Variants in ARHGEF17 observed in about 807,000 individuals in gnomAD.
The protein encoded by ARHGEF17 is 164 kDa Rho-specific guanine-nucleotide exchange factor.
A neutral mutation model predicts 174.0 loss-of-function variants in ARHGEF17; 80 were observed. That is an observed-to-expected ratio of 0.46 (90% CI 0.38 to 0.55). The LOEUF (loss-of-function observed/expected upper bound fraction) is 0.55, where lower values mean the gene tolerates loss of function less well. ARHGEF17 is among the 20% of genes least tolerant of loss of function. The pLI is 0.00. For synonymous variants in ARHGEF17, 1,311 were observed against 1,189.1 expected, an observed-to-expected ratio of 1.10 and a Z score of -2.11; for missense variants, 2,886 against 2,839.7, an observed-to-expected ratio of 1.02 and a Z score of -0.37.
rs765152390 is a variant in ARHGEF17, at chr11:73,308,613, G to A, written c.-26G>A. On this transcript the variant is annotated 5_prime_UTR_variant, in exon 1 of 21. Coordinates refer to ENST00000263674, the MANE Select transcript of ARHGEF17 (RefSeq NM_014786.4). ...GGTTGGCCGCGGCTGCCCGAGGCCAGCCCCCCCGGAGTGAGTTACGCCACT... is the reference window on the plus strand; with the variant it reads ...GGTTGGCCGCGGCTGCCCGAGGCCAACCCCCCCGGAGTGAGTTACGCCACT... 67 of 1,425,024 alleles carry A rather than the reference G, an allele frequency of 4.7e-5. No individual in the cohort carries two copies. The highest frequency in any genetic ancestry group is 6.0e-5 in the Non-Finnish European group (66 of 1,093,620). The allele number at this position is 1,425,024 out of a possible 1,614,324, so 88.3% of individuals were successfully genotyped here. A position where few individuals can be genotyped will look rare whatever the true frequency, so the allele number is the denominator to read the frequency against.
chr11:73,363,666 T>C, intron 15 of ARHGEF17, 81 bp from the exon 16 acceptor site: 1 of 1,567,646 alleles, frequency 6.4e-7, no homozygotes, highest in East Asian at 2.3e-5. Context: ...GACGTGGTGC[T>C]AGGGGCAAAG....
chr11:73,364,026 C>T, intron 16 of ARHGEF17, 146 bp from the exon 17 acceptor site: 2 of 1,070,644 alleles, frequency 1.9e-6, no homozygotes, highest in East Asian at 2.4e-5. Context: ...TTTTCTTAGC[C>T]TCAGGCAACC....
intron 1 of ARHGEF17, among the ~76,000 whole-genome samples, chr11:73,318,213 C>T (rs1864958744): frequency 6.6e-6 from 1 of 152,068 alleles, no homozygotes; most frequent in Admixed American, 6.5e-5. Flanking sequence ...TACGTGCTTT[C>T]CCCACCATCG....
chr11:73,318,760 T>C (rs1864968552), intron 1 of ARHGEF17, among the ~76,000 whole-genome samples: 1 of 152,234 alleles, frequency 6.6e-6, no homozygotes, highest in South Asian at 2.1e-4. Flanking sequence ...AGACCTGTGC[T>C]GATTGCAGAG....
rs1256829425 is a variant in ARHGEF17 at position 73,309,176 on chromosome 11, G to A, written c.538G>A (p.Ala180Thr). 6.3e-7 allele frequency: 1 copy of A among 1,590,450 alleles called. No individual in the cohort carries two copies. Among genetic ancestry groups the A allele is most frequent in the Non-Finnish European group, 8.6e-7 (1 of 1,168,632 alleles). Residue 180 changes from alanine to threonine, a missense_variant, in exon 1 of 21, where the codon GCG (alanine) becomes ACG (threonine). Physicochemically the swap from Ala to Thr is moderately conservative, Grantham distance 58. This residue lies in a region of ARHGEF17 where 1,728 missense variants were observed against 1,461.2 expected (regional missense o/e 1.18). Transcript: ENST00000263674. ...ACCCCCTCGGACATGCTTCCCCCTG[G>A]CGGGTCTGCGTTCGGCGCGGCCCCT... Reference protein sequence around the residue: ...TPPPRTCFPLAGLRSARPLTG... With the variant: ...TPPPRTCFPLTGLRSARPLTG...
In ARHGEF17 at chr11:73,364,247, T is replaced by A. The variant is rs1326154893; in HGVS notation, c.5401+8T>A. ...TCTACCAAAGGGAAGCAGGTGAGTA[T>A]CTGCCCTCCCCCACACCCTGCCCCT... On this transcript the variant is annotated splice_region_variant and intron_variant, in intron 17 of 20. Transcript: ENST00000263674. 6.2e-7 allele frequency: 1 copy of A among 1,613,856 alleles called. No homozygotes were observed. Among genetic ancestry groups the A allele is most frequent in the African/African-American group, 1.3e-5 (1 of 74,906 alleles).
chr11:73,330,001 T>C (rs1865180111), intron 1 of ARHGEF17, among the ~76,000 whole-genome samples: 1 of 152,226 alleles, frequency 6.6e-6, no homozygotes, highest in African/African-American at 2.4e-5. Context: ...TATTTTAATT[T>C]GTATTTATCT....
At chr11:73,349,082 A>T (rs779995867) in intron 2 of ARHGEF17, among the ~76,000 whole-genome samples, 3 of 152,206 alleles carry the variant, frequency 2.0e-5, no homozygotes, top group Non-Finnish European at 4.4e-5. Flanking sequence ...TTTCCTGTGC[A>T]CGCAAGGAAG....
intron 1 of ARHGEF17, among the ~76,000 whole-genome samples, chr11:73,334,896 C>A (rs976934135): frequency 2.0e-5 from 3 of 152,246 alleles, no homozygotes; most frequent in African/African-American, 7.2e-5. Context: ...TCCCTGCTTT[C>A]CAGTGCTCTG....
rs1307815391 is a variant in ARHGEF17, at chr11:73,309,811, C to T, written c.1173C>T (p.Ser391=). 2.5e-6 allele frequency: 4 copies of T among 1,613,126 alleles called. No homozygotes were observed. In the South Asian group the frequency reaches 4.4e-5, roughly 18 times the overall value. ...GCCCCGCAGGCTCCCGCGGTAGCAG[C>T]CGTTATTCCAGCACGGAGACCCTCA... ...LASPAGSRGS[S]RYSSTETLKD... Residue 391 remains serine, a synonymous_variant, in exon 1 of 21, where the codon AGC becomes AGT. Coordinates refer to ENST00000263674, the MANE Select transcript of ARHGEF17 (RefSeq NM_014786.4).
Position 73,309,034 on chromosome 11 carries a change from C to T in ARHGEF17, c.396C>T (p.Leu132=), listed in dbSNP as rs1864749496. The T allele has an allele frequency of 1.4e-6, 2 of 1,442,386 alleles. No individual in the cohort carries two copies. The highest frequency in any genetic ancestry group is 9.1e-7 in the Non-Finnish European group (1 of 1,103,384). The allele number at this position is 1,442,386 out of a possible 1,614,324, so 89.3% of individuals were successfully genotyped here. Residue 132 remains leucine (L), a synonymous_variant, in exon 1 of 21, where the codon CTC becomes CTT. Transcript: ENST00000263674. ...CCAGCGTCACCGAGATGCGCAAGCT[C>T]TTCGGCGGTCCTGGCTCCAGGAGGC... ...AWPSVTEMRK[L]FGGPGSRRPS...
intron 2 of ARHGEF17, among the ~76,000 whole-genome samples, chr11:73,351,520 A>G (rs989055660): frequency 3.3e-5 from 5 of 152,304 alleles, no homozygotes; most frequent in African/African-American, 1.2e-4. Context: ...GAAAGTGTCA[A>G]TAAGAGTCTC....
At chr11:73,359,243 C>T (rs968963856) in intron 9 of ARHGEF17, among the ~76,000 whole-genome samples, 3 of 152,258 alleles carry the variant, frequency 2.0e-5, no homozygotes, top group African/African-American at 7.2e-5. Context: ...GATTTCAAGA[C>T]ACATGTGTCC....
chr11:73,331,711 C>T (rs1865206629), intron 1 of ARHGEF17, among the ~76,000 whole-genome samples: 1 of 152,146 alleles, frequency 6.6e-6, no homozygotes, highest in African/African-American at 2.4e-5. Context: ...GTGCTGCCAA[C>T]AAATGCTACT....
In ARHGEF17 at chr11:73,360,392, T is replaced by C. The variant is rs375188300; in HGVS notation, c.4279T>C (p.Tyr1427His). The C allele has an allele frequency of 5.0e-5, 80 of 1,613,942 alleles. 1 individual carries two copies. The highest frequency in any genetic ancestry group is 3.3e-4 in the Middle Eastern group (2 of 6,062). The change falls in exon 11 of 21, where the codon TAC becomes CAC. Residue 1427 changes from tyrosine (Y) to histidine (H), a missense_variant. Tyr to His is a moderately conservative substitution (Grantham distance 83). Coordinates refer to ENST00000263674, the MANE Select transcript of ARHGEF17 (RefSeq NM_014786.4). ...RDLSEKQALC[Y>H]ALSFPPTKLE... ...CCTGTCGGAGAAGCAGGCGCTGTGC[T>C]ACGCGCTTTCCTTCCCGCCAACCAA...
chr11:73,311,265 C>T lies in ARHGEF17; in HGVS notation c.2627C>T (p.Pro876Leu). 6.2e-7 allele frequency: 1 copy of T among 1,612,826 alleles called. No homozygotes were observed. The highest frequency in any genetic ancestry group is 1.7e-5 in the Admixed American group (1 of 59,970). ...GAGCAGCGGGCAGAGCCAGAAGAAC[C>T]TGGTGCCACCAGGAGCCGGGCACAG... The part of the protein sequence containing the change: ...LVEQRAEPEE[P>L]GATRSRAQSE... Residue 876 changes from proline to leucine, a missense_variant, in exon 1 of 21, where the codon CCT becomes CTT. By Grantham distance (98) the Pro-to-Leu change is moderately conservative. Coordinates refer to ENST00000263674, the MANE Select transcript of ARHGEF17 (RefSeq NM_014786.4).
At chr11:73,325,268 G>A (rs1259153816) in intron 1 of ARHGEF17, among the ~76,000 whole-genome samples, 2 of 152,246 alleles carry the variant, frequency 1.3e-5, no homozygotes, top group East Asian at 3.9e-4. Flanking sequence ...CCCTAGCCCT[G>A]AGTCCTGTCC....
chr11:73,310,904 G>A lies in ARHGEF17; in HGVS notation c.2266G>A (p.Asp756Asn), dbSNP rs1293945100. ...TSEEPTGFSV[D>N]SNLLGSLSPK... Reference sequence around the variant, plus strand: ...TGAAGAGCCTACTGGGTTCTCTGTGGACAGCAACCTCCTGGGCTCACTGAG... The same window carrying A: ...TGAAGAGCCTACTGGGTTCTCTGTGAACAGCAACCTCCTGGGCTCACTGAG... The change falls in exon 1 of 21, where the codon GAC (aspartate) becomes AAC (asparagine). Residue 756 changes from aspartate (D) to asparagine (N), a missense_variant. Coordinates refer to ENST00000263674, the MANE Select transcript of ARHGEF17 (RefSeq NM_014786.4). 1.2e-6 allele frequency: 2 copies of A among 1,613,492 alleles called. No individual in the cohort carries two copies. The highest frequency in any genetic ancestry group is 1.7e-5 in the Admixed American group (1 of 60,004).
Position 73,309,608 on chromosome 11 carries a change from T to C in ARHGEF17, c.970T>C (p.Ser324Pro). The C allele has an allele frequency of 6.2e-7, 1 of 1,613,022 alleles. No individual in the cohort carries two copies. Among genetic ancestry groups the C allele is most frequent in the South Asian group, 1.1e-5 (1 of 91,088 alleles). ...AAGCAGCATGAACTCAGCAGGGGTT[T>C]CTGGGAGCCCTGAGCCCCCAACATC... The part of the protein sequence containing the change: ...NLSSMNSAGV[S>P]GSPEPPTSPR... The change falls in exon 1 of 21, where the codon TCT becomes CCT. Residue 324 changes from serine to proline, a missense_variant. By Grantham distance (74) the Ser-to-Pro change is moderately conservative. This residue lies in a region of ARHGEF17 where 1,728 missense variants were observed against 1,461.2 expected (regional missense o/e 1.18). Transcript: ENST00000263674.
Sources: allele counts gnomAD v4.1 joint callset (sites outside exome capture counted in the v4.1 genomes callset), GRCh38; gene constraint gnomAD v4.1.1; regional missense constraint gnomAD v4.1.1; transcripts MANE v1.5; gene names NCBI Gene and HGNC (gene_info 2026-07-23, HGNC 2026-07-21).